The following ZMYND8 variants were observed in gnomAD, a reference collection of about 807,000 sequenced individuals.
The protein encoded by ZMYND8 is zinc finger MYND-type containing 8, also known as MYND-type zinc finger-containing chromatin reader ZMYND8.
ZMYND8 carries 37 observed loss-of-function variants against 140.8 expected under a neutral mutation model. That is an observed-to-expected ratio of 0.26 (90% CI 0.20 to 0.35). ZMYND8 has a LOEUF of 0.35. ZMYND8 is among the 10% of genes least tolerant of loss of function. The pLI is 1.00. For missense variants in ZMYND8, 1,068 were observed against 1,570.0 expected, an observed-to-expected ratio of 0.68 and a Z score of 5.40; for synonymous variants, 592 against 597.1, an observed-to-expected ratio of 0.99 and a Z score of 0.12.
chr20:47,317,527 C>T (rs527873136), intron 2 of ZMYND8, among the ~76,000 whole-genome samples: 13 of 152,264 alleles, frequency 8.5e-5, no homozygotes, highest in African/African-American at 3.1e-4. Flanking sequence ...GCTGAAAGGC[C>T]GGGAGCTTCT....
intron 2 of ZMYND8, among the ~76,000 whole-genome samples, chr20:47,330,936 C>A (rs757126797): frequency 7.2e-5 from 11 of 152,118 alleles, no homozygotes; most frequent in Non-Finnish European, 1.2e-4. Context: ...TCATTTTGAG[C>A]CTTAAAATTG....
intron 2 of ZMYND8, among the ~76,000 whole-genome samples, chr20:47,316,262 C>A (rs1402446139): frequency 6.7e-6 from 1 of 148,290 alleles, no homozygotes. Flanking sequence ...ACCCAGGAGG[C>A]GGAGGTTGCA....
intron 12 of ZMYND8, among the ~76,000 whole-genome samples, chr20:47,255,745 T>TATATAC (rs2074622641): frequency 1.8e-5 from 1 of 54,948 alleles, no homozygotes; most frequent in East Asian, 7.3e-4. Context: ...TATATATATA[T>TATATAC]ATATATATAT....
At chr20:47,225,485 A>G (rs1478119438) in intron 18 of ZMYND8, among the ~76,000 whole-genome samples, 2 of 145,872 alleles carry the variant, frequency 1.4e-5, no homozygotes, top group East Asian at 2.1e-4. Context: ...CCCAGGAGGC[A>G]GAAGTTTCAG....
intron 19 of ZMYND8, among the ~76,000 whole-genome samples, chr20:47,223,742 C>T (rs930083152): frequency 1.3e-5 from 2 of 150,078 alleles, no homozygotes; most frequent in Non-Finnish European, 3.0e-5. Flanking sequence ...AGGAGAATCG[C>T]TTGAACCCGG....
At chr20:47,244,308 G>C (rs1174138914) in intron 14 of ZMYND8, among the ~76,000 whole-genome samples, 1 of 152,186 alleles carries the variant, frequency 6.6e-6, no homozygotes, top group Non-Finnish European at 1.5e-5. Flanking sequence ...AAGGTTTTAT[G>C]GCTACAACCT....
At chr20:47,220,881 C>T (rs1050339503) in intron 20 of ZMYND8, among the ~76,000 whole-genome samples, 2 of 152,244 alleles carry the variant, frequency 1.3e-5, no homozygotes, top group African/African-American at 4.8e-5. Flanking sequence ...GGAGGTGAAA[C>T]CTTCGTGGCC....
chr20:47,229,824 A>C lies in ZMYND8; in HGVS notation c.2857-18T>G, dbSNP rs776010392. ...TCCATCATCTGAAAGATAAAAACAG[A>C]AACAATTCAGCTGATCACTTCTTGG... On this transcript the variant is annotated intron_variant, in intron 16 of 22. Coordinates refer to ENST00000471951, the MANE Select transcript of ZMYND8 (RefSeq NM_001281775.3). The C allele has an allele frequency of 3.1e-6, 5 of 1,600,928 alleles. No homozygotes were observed. In the South Asian group the frequency reaches 5.5e-5, roughly 18 times the overall value.
chr20:47,220,145 T>C (rs996321719), intron 21 of ZMYND8, 113 bp downstream of exon 21: 5 of 633,170 alleles, frequency 7.9e-6, no homozygotes, highest in Non-Finnish European at 1.3e-5. Context: ...TAAGGATCCA[T>C]AATCGTTTGG....
At chr20:47,327,941 C>T (rs1439993325) in intron 2 of ZMYND8, among the ~76,000 whole-genome samples, 5 of 152,040 alleles carry the variant, frequency 3.3e-5, no homozygotes, top group African/African-American at 1.2e-4. Context: ...CAGCCTCCCA[C>T]GTAGCTGAGG....
intron 21 of ZMYND8, among the ~76,000 whole-genome samples, chr20:47,216,085 G>A (rs888073014): frequency 1.3e-5 from 2 of 152,186 alleles, no homozygotes; most frequent in Admixed American, 6.5e-5. Context: ...AGCCCTGAGC[G>A]CCCAGGGATG....
At chr20:47,274,111 T>A (rs1020658023) in intron 11 of ZMYND8, among the ~76,000 whole-genome samples, 2 of 152,248 alleles carry the variant, frequency 1.3e-5, no homozygotes, top group Non-Finnish European at 2.9e-5. Context: ...TTTATCTTTC[T>A]CCTTTTGTAC....
At chr20:47,236,149 TTC>T (rs1444478768) in intron 16 of ZMYND8, among the ~76,000 whole-genome samples, 175 bp downstream of exon 16, 2 of 152,218 alleles carry the variant, frequency 1.3e-5, no homozygotes, top group African/African-American at 2.4e-5. Flanking sequence ...CATTCTACAT[TTC>T]TCTGTTAGAC....
intron 3 of ZMYND8, among the ~76,000 whole-genome samples, chr20:47,305,374 G>A (rs1041388826): frequency 6.6e-6 from 1 of 151,868 alleles, no homozygotes; most frequent in Non-Finnish European, 1.5e-5. Context: ...CCGAGCAGCT[G>A]GGATTACAGG....
At chr20:47,325,040 G>C (rs763055294) in intron 2 of ZMYND8, among the ~76,000 whole-genome samples, 1 of 152,154 alleles carries the variant, frequency 6.6e-6, no homozygotes, top group African/African-American at 2.4e-5. Context: ...GAGTAGCTGG[G>C]ACTACAGGCG....
intron 21 of ZMYND8, among the ~76,000 whole-genome samples, chr20:47,214,570 T>C (rs1287192961): frequency 1.3e-5 from 2 of 152,214 alleles, no homozygotes; most frequent in Non-Finnish European, 2.9e-5. Flanking sequence ...CTCAACTCAC[T>C]GTAACCTCCG....
chr20:47,278,203 G>T (rs1453774471), intron 10 of ZMYND8, among the ~76,000 whole-genome samples: 3 of 152,114 alleles, frequency 2.0e-5, no homozygotes, highest in Non-Finnish European at 4.4e-5. Flanking sequence ...GGATGGTCTT[G>T]AACTCCTGAA....
chr20:47,335,656 A>C (rs2081337968), intron 2 of ZMYND8, among the ~76,000 whole-genome samples: 1 of 152,222 alleles, frequency 6.6e-6, no homozygotes, highest in South Asian at 2.1e-4. Context: ...TTTAGATCAC[A>C]GTCTTCTAGA....
At position 47,347,860 on chromosome 20, in the gene ZMYND8, G is replaced by A; in HGVS notation, c.81C>T (p.Ser27=). Residue 27 remains serine (S), a synonymous_variant, in exon 2 of 23, where the codon TCC becomes TCT. Coordinates refer to ENST00000471951, the MANE Select transcript of ZMYND8 (RefSeq NM_001281775.3). ...VVEGMDISTR[S]KDPGSAERTA... is the part of the protein sequence containing the mutation. ...TAATACAAGATTTTTACTCACCTTT[G>A]GAGCGAGTAGAGATATCCATGCCCT... 6.2e-7 allele frequency: 1 copy of A among 1,613,678 alleles called. No individual in the cohort carries two copies.
Sources: gnomAD v4.1 joint callset for allele counts (sites outside exome capture counted in the v4.1 genomes callset) on GRCh38, gnomAD v4.1.1 for gene constraint, MANE v1.5 for transcripts, NCBI Gene and HGNC (gene_info 2026-07-23, HGNC 2026-07-21) for gene names.